Variants in CDC42EP1 observed in about 807,000 individuals in gnomAD.
CDC42EP1 encodes CDC42 effector protein 1, also known as 55 kDa bone marrow stromal/endothelial cell protein.
CDC42EP1 carries 6 observed loss-of-function variants against 7.4 expected under a neutral mutation model. The ratio of observed to expected loss-of-function variants is 0.81; its 90% CI spans 0.44 to 1.60. The LOEUF (loss-of-function observed/expected upper bound fraction) is 1.60. Among genes scored for constraint, CDC42EP1 ranks in the 40% most tolerant of loss-of-function variants. CDC42EP1 has a pLI of 0.01. For synonymous variants in CDC42EP1, 238 were observed against 227.1 expected (o/e 1.05, Z -0.43); for missense variants, 567 against 539.0 (o/e 1.05, Z -0.51).
rs371153612 is a variant in CDC42EP1 at position 37,566,823 on chromosome 22, G to C, written c.463+11G>C. ...GCCACTCCAGCTACGGTGAGGGCCT[G>C]GGCCATCTTGGCCCACTTTTCAGAG... On this transcript the variant is annotated intron_variant, in intron 2 of 2. Coordinates refer to ENST00000249014, the MANE Select transcript of CDC42EP1 (RefSeq NM_152243.3). The surrounding 1 kb of genome is among the most constrained non-coding windows in gnomAD (Gnocchi z 6.4). 3.9e-6 allele frequency: 6 copies of C among 1,531,436 alleles called. No homozygotes were observed. The African/African-American group carries it at 5.5e-5, about 14-fold the overall frequency. 94.9% of individuals were successfully genotyped at this position (1,531,436 alleles called of 1,614,324 possible).
intron 1 of CDC42EP1, among the ~76,000 whole-genome samples, chr22:37,561,405 G>T (rs1202847458): frequency 2.0e-5 from 3 of 152,230 alleles, no homozygotes; most frequent in Non-Finnish European, 4.4e-5. Context: ...TCCCGGGCTG[G>T]TTCGGCTCTA....
At chr22:37,564,882 A>C (rs779173919) in intron 1 of CDC42EP1, among the ~76,000 whole-genome samples, 27 of 152,032 alleles carry the variant, frequency 1.8e-4, no homozygotes, top group Admixed American at 3.3e-4. Flanking sequence ...GGGTTCAAGC[A>C]ATTCTCCTGC....
rs1000573568 is a variant in CDC42EP1 at position 37,568,508 on chromosome 22, TG to T, written c.868del (p.Val290Ter). 2.5e-5 allele frequency: 41 copies of T among 1,609,386 alleles called. No homozygotes were observed. The highest frequency in any genetic ancestry group is 3.5e-5 in the Non-Finnish European group (41 of 1,178,014). ...SSTPHGHCPN[G>X]VTAGLGPVAE... The stretch of plus-strand genomic sequence containing the variant: ...CCACACCCCATGGACACTGTCCCAA[TG>T]GGGTAACAGCTGGGTTGGGCCCAGT... On this transcript the variant is annotated frameshift_variant, in exon 3 of 3. Transcript: ENST00000249014. LOFTEE classifies it low-confidence loss of function (END_TRUNC).
In CDC42EP1 at chr22:37,566,887, AAGCTCCAAGTG is replaced by A. The variant is rs1184885569; in HGVS notation, c.463+88_463+98del. The A allele has an allele frequency of 5.3e-6, 6 of 1,141,032 alleles. No individual in the cohort carries two copies. The highest frequency in any genetic ancestry group is 4.7e-5 in the African/African-American group (3 of 63,722). 70.7% of individuals were successfully genotyped at this position (1,141,032 alleles called of 1,614,324 possible). ...CCCAGAGGGGTTCAGTGGCTCCTCCAAGCTCCAAGTGAGCTCCAAGTGACCACAGAGGTCAG... is the reference window on the plus strand; with the variant it reads ...CCCAGAGGGGTTCAGTGGCTCCTCCAAGCTCCAAGTGACCACAGAGGTCAG... On this transcript the variant is annotated intron_variant, in intron 2 of 2. Coordinates refer to ENST00000249014, the MANE Select transcript of CDC42EP1 (RefSeq NM_152243.3). The surrounding 1 kb of genome is among the most constrained non-coding windows in gnomAD (Gnocchi z 6.4).
In CDC42EP1 at chr22:37,566,893, C is replaced by T. The variant is rs768205156; in HGVS notation, c.463+81C>T. The T allele has an allele frequency of 5.7e-6, 6 of 1,060,910 alleles. No individual in the cohort carries two copies. The highest frequency in any genetic ancestry group is 8.1e-6 in the Non-Finnish European group (6 of 738,014). 65.7% of individuals were successfully genotyped at this position (1,060,910 alleles called of 1,614,324 possible). A position where few individuals can be genotyped will look rare whatever the true frequency, so the allele number is the denominator to read the frequency against. Reference sequence around the variant, plus strand: ...GGGGTTCAGTGGCTCCTCCAAGCTCCAAGTGAGCTCCAAGTGACCACAGAG... The same window carrying T: ...GGGGTTCAGTGGCTCCTCCAAGCTCTAAGTGAGCTCCAAGTGACCACAGAG... On this transcript the variant is annotated intron_variant, in intron 2 of 2. Transcript: ENST00000249014. The surrounding 1 kb of genome is among the most constrained non-coding windows in gnomAD (Gnocchi z 6.4).
At position 37,568,756 on chromosome 22, in the gene CDC42EP1, G is replaced by C. The variant is rs769267240; in HGVS notation, c.1112G>C (p.Ser371Thr). 5.9e-6 allele frequency: 9 copies of C among 1,514,982 alleles called. No individual in the cohort carries two copies. Among genetic ancestry groups the C allele is most frequent in the Non-Finnish European group, 7.9e-6 (9 of 1,132,536 alleles). 93.8% of individuals were successfully genotyped at this position (1,514,982 alleles called of 1,614,324 possible). Reference sequence around the variant, plus strand: ...GCAGGCAGCAGGACCCCAGTGCCCAGCACAGTGCAAGCAAACACCTTTGAA... The same window carrying C: ...GCAGGCAGCAGGACCCCAGTGCCCACCACAGTGCAAGCAAACACCTTTGAA... ...PQAGSRTPVPSTVQANTFEFA... is the reference protein window; with the variant it reads ...PQAGSRTPVPTTVQANTFEFA... The change falls in exon 3 of 3, where the codon AGC (serine) becomes ACC (threonine). Residue 371 changes from serine (S) to threonine (T), a missense_variant. Ser to Thr is a moderately conservative substitution (Grantham distance 58). Coordinates refer to ENST00000249014, the MANE Select transcript of CDC42EP1 (RefSeq NM_152243.3).
At chr22:37,561,168 A>G (rs938927994) in intron 1 of CDC42EP1, among the ~76,000 whole-genome samples, 12 of 152,062 alleles carry the variant, frequency 7.9e-5, no homozygotes, top group Middle Eastern at 3.4e-3. Context: ...CCGTCCCCCC[A>G]GGGAATGTTG....
In CDC42EP1 at chr22:37,566,153, G is replaced by A. The variant is rs112893159; in HGVS notation, c.-197G>A. ...TTGAACATCTATAGCTGCTTCTGAG[G>A]GGCTGGGAGCCGGGCCCCTGGGAGA... On this transcript the variant is annotated 5_prime_UTR_variant, in exon 2 of 3. Transcript: ENST00000249014. This position sits in a 1 kb window ranked among gnomAD's most constrained non-coding sequence, Gnocchi z 6.4. 4.4e-6 allele frequency: 2 copies of A among 449,686 alleles called. No individual in the cohort carries two copies. The highest frequency in any genetic ancestry group is 7.8e-6 in the Non-Finnish European group (2 of 255,760). The allele number at this position is 449,686 out of a possible 1,614,324, so 27.9% of individuals were successfully genotyped here. A position where few individuals can be genotyped will look rare whatever the true frequency, so the allele number is the denominator to read the frequency against.
At position 37,566,426 on chromosome 22, in the gene CDC42EP1, G is replaced by C. The variant is rs1925241631; in HGVS notation, c.77G>C (p.Ser26Thr). 2.5e-6 allele frequency: 4 copies of C among 1,609,086 alleles called. No individual in the cohort carries two copies. The Admixed American group carries it at 5.1e-5, about 20-fold the overall frequency. The change falls in exon 2 of 3, where the codon AGT becomes ACT. Residue 26 changes from serine to threonine, a missense_variant. Ser to Thr is a moderately conservative substitution (Grantham distance 58). Coordinates refer to ENST00000249014, the MANE Select transcript of CDC42EP1 (RefSeq NM_152243.3). The surrounding 1 kb of genome is among the most constrained non-coding windows in gnomAD (Gnocchi z 6.4). Reference protein sequence around the residue: ...GKLSPVGWVSSSQGKRRLTAD... With the variant: ...GKLSPVGWVSTSQGKRRLTAD... Reference sequence around the variant, plus strand: ...CTCTCGCCTGTGGGCTGGGTGTCCAGTTCACAGGGAAAGAGGCGGCTGACT... The same window carrying C: ...CTCTCGCCTGTGGGCTGGGTGTCCACTTCACAGGGAAAGAGGCGGCTGACT...
In CDC42EP1 at chr22:37,568,797, G is replaced by A. The variant is rs1241346704; in HGVS notation, c.1153G>A (p.Glu385Lys). ...ANTFEFADAE[E>K]DDEVKV ...CACCTTTGAATTTGCGGATGCTGAG[G>A]AGGATGATGAGGTCAAGGTGTGAGG... Residue 385 changes from glutamate to lysine, a missense_variant, in exon 3 of 3, where the codon GAG becomes AAG. Coordinates refer to ENST00000249014, the MANE Select transcript of CDC42EP1 (RefSeq NM_152243.3). 4.7e-6 allele frequency: 7 copies of A among 1,495,344 alleles called. No homozygotes were observed. The Admixed American group carries it at 1.4e-4, about 30-fold the overall frequency. The allele number at this position is 1,495,344 out of a possible 1,614,324, so 92.6% of individuals were successfully genotyped here. A position where few individuals can be genotyped will look rare whatever the true frequency, so the allele number is the denominator to read the frequency against.
At chr22:37,565,112 C>T (rs1280410151) in intron 1 of CDC42EP1, among the ~76,000 whole-genome samples, 1 of 149,986 alleles carries the variant, frequency 6.7e-6, no homozygotes, top group Non-Finnish European at 1.5e-5. Flanking sequence ...AACGATGAGG[C>T]GGGTGAGGTC....
At position 37,566,885 on chromosome 22, in the gene CDC42EP1, C is replaced by G. The variant is rs1286495326; in HGVS notation, c.463+73C>G. On this transcript the variant is annotated intron_variant, in intron 2 of 2. Transcript: ENST00000249014. This position sits in a 1 kb window ranked among gnomAD's most constrained non-coding sequence, Gnocchi z 6.4. ...GGCCCAGAGGGGTTCAGTGGCTCCT[C>G]CAAGCTCCAAGTGAGCTCCAAGTGA... 1.7e-6 allele frequency: 2 copies of G among 1,142,868 alleles called. No homozygotes were observed. Among genetic ancestry groups the G allele is most frequent in the African/African-American group, 3.1e-5 (2 of 63,788 alleles). The allele number at this position is 1,142,868 out of a possible 1,614,324, so 70.8% of individuals were successfully genotyped here.
At chr22:37,563,386 A>G (rs1925115962) in intron 1 of CDC42EP1, among the ~76,000 whole-genome samples, 1 of 151,950 alleles carries the variant, frequency 6.6e-6, no homozygotes, top group Non-Finnish European at 1.5e-5. Context: ...ATCAGATGAC[A>G]TCATGTAATG....
At chr22:37,564,135 G>GAA (rs1400392248) in intron 1 of CDC42EP1, among the ~76,000 whole-genome samples, 1 of 152,062 alleles carries the variant, frequency 6.6e-6, no homozygotes, top group African/African-American at 2.4e-5. Flanking sequence ...TGGGCCACAG[G>GAA]AAAAGCATAG....
At position 37,568,589 on chromosome 22, in the gene CDC42EP1, T is replaced by G. The variant is rs563370618; in HGVS notation, c.945T>G (p.Pro315=). ...VGGGPRGPAG[P]ALGRHWGAGW... ...GGGGTCCCCGAGGACCTGCTGGCCC[T>G]GCCCTCGGCAGGCACTGGGGAGCAG... The change falls in exon 3 of 3, where the codon CCT becomes CCG. Residue 315 remains proline (P), a synonymous_variant. Transcript: ENST00000249014. 9.9e-5 allele frequency: 159 copies of G among 1,600,500 alleles called. No individual in the cohort carries two copies. Among genetic ancestry groups the G allele is most frequent in the Middle Eastern group, 1.6e-4 (1 of 6,068 alleles).
At chr22:37,562,986 G>A (rs1420087651) in intron 1 of CDC42EP1, among the ~76,000 whole-genome samples, 1 of 152,128 alleles carries the variant, frequency 6.6e-6, no homozygotes, top group African/African-American at 2.4e-5. Flanking sequence ...GTATGTGCCT[G>A]TAGTCCCAGC....
chr22:37,567,329 A>T (rs371425824), intron 2 of CDC42EP1, among the ~76,000 whole-genome samples: 14 of 152,276 alleles, frequency 9.2e-5, no homozygotes, highest in East Asian at 3.9e-4. Context: ...GGTGCTCAGG[A>T]CACTGGAGCT....
intron 1 of CDC42EP1, among the ~76,000 whole-genome samples, chr22:37,562,285 A>G (rs892699694): frequency 6.6e-6 from 1 of 152,156 alleles, no homozygotes; most frequent in East Asian, 1.9e-4. Flanking sequence ...TGTTCTGAAC[A>G]CTAACGGGCG....
chr22:37,568,938 C>A lies in CDC42EP1; in HGVS notation c.*118C>A. ...CATGTTGCCCCTAAACCCCTCCCCA[C>A]CTCTGCAGGACAGACATGGGAGGGA... On this transcript the variant is annotated 3_prime_UTR_variant, in exon 3 of 3. Coordinates refer to ENST00000249014, the MANE Select transcript of CDC42EP1 (RefSeq NM_152243.3). 1 of 618,690 alleles carries A rather than the reference C, an allele frequency of 1.6e-6. No individual in the cohort carries two copies. Among genetic ancestry groups the A allele is most frequent in the Non-Finnish European group, 2.5e-6 (1 of 394,080 alleles). The allele number at this position is 618,690 out of a possible 1,614,324, so 38.3% of individuals were successfully genotyped here.
Sources: allele counts gnomAD v4.1 joint callset (sites outside exome capture counted in the v4.1 genomes callset), GRCh38; gene constraint gnomAD v4.1.1; non-coding constraint Gnocchi (gnomAD v3.1); transcripts MANE v1.5; gene names NCBI Gene and HGNC (gene_info 2026-07-23, HGNC 2026-07-21).